SPAG1: variants seen among roughly 807,000 people sequenced by gnomAD.
The protein encoded by SPAG1 is sperm-associated antigen 1.
SPAG1 carries 69 observed loss-of-function variants against 100.5 expected under a neutral mutation model. The observed-to-expected ratio is 0.69, with a 90% CI of 0.57 to 0.84. The LOEUF is 0.84. SPAG1 is among the 40% of genes least tolerant of loss of function. SPAG1 has a pLI of 0.00. For missense variants in SPAG1, 955 were observed against 1,133.1 expected, an observed-to-expected ratio of 0.84 and a Z score of 2.26; for synonymous variants, 336 against 411.6, an observed-to-expected ratio of 0.82 and a Z score of 2.22.
chr8:100,177,730 T>C (rs1217685896), intron 3 of SPAG1, 86 bp from the exon 4 acceptor site: 16 of 758,398 alleles, frequency 2.1e-5, no homozygotes, highest in African/African-American at 3.5e-5. Flanking sequence ...TTCAAACTTA[T>C]ATTGTTCAAG....
intron 14 of SPAG1, 56 bp downstream of exon 14, chr8:100,225,395 T>A (rs1818464679): frequency 2.6e-6 from 4 of 1,517,968 alleles, no homozygotes; most frequent in Non-Finnish European, 9.1e-7. Context: ...GTGTGTGTAC[T>A]TTCACAGTAA....
chr8:100,186,896 T>C (rs1219083652), intron 7 of SPAG1, among the ~76,000 whole-genome samples: 1 of 152,172 alleles, frequency 6.6e-6, no homozygotes, highest in Non-Finnish European at 1.5e-5. Context: ...GGGCCCCCTC[T>C]CATGACTTCA....
chr8:100,201,728 TGGGTCAGAAGACCCTCCCCAGAGA>T (rs1272454657), intron 10 of SPAG1, among the ~76,000 whole-genome samples: 1 of 152,074 alleles, frequency 6.6e-6, no homozygotes, highest in Non-Finnish European at 1.5e-5. Context: ...TTTCTGATTG[TGGGTCAGAAGACCCTCCCCAGAGA>T]GGGTCCTGCC....
intron 10 of SPAG1, among the ~76,000 whole-genome samples, chr8:100,211,080 C>T (rs113853941): frequency 0.059 from 8,992 of 152,112 alleles, 843 homozygotes; most frequent in African/African-American, 0.2. Flanking sequence ...CCTGCCTCAG[C>T]TTCCTAAAGT....
intron 3 of SPAG1, among the ~76,000 whole-genome samples, chr8:100,174,716 CTA>C (rs1256889281): frequency 6.6e-6 from 1 of 152,210 alleles, no homozygotes. Flanking sequence ...ATTGCTTCTT[CTA>C]TGTCTTCTCA....
intron 13 of SPAG1, among the ~76,000 whole-genome samples, chr8:100,221,307 G>A (rs1818268138): frequency 6.6e-6 from 1 of 152,048 alleles, no homozygotes; most frequent in Non-Finnish European, 1.5e-5. Flanking sequence ...CACTTATCTA[G>A]GATGAATAGT....
intron 11 of SPAG1, 96 bp downstream of exon 11, chr8:100,213,524 A>G (rs2132354920): frequency 1.0e-6 from 1 of 978,816 alleles, no homozygotes; most frequent in Non-Finnish European, 1.3e-6. Context: ...CGCCTCCTGA[A>G]TGACAGGCGC....
chr8:100,192,579 T>G (rs956454591), intron 9 of SPAG1, among the ~76,000 whole-genome samples: 1 of 152,184 alleles, frequency 6.6e-6, no homozygotes, highest in African/African-American at 2.4e-5. Flanking sequence ...ATGGAAAAAT[T>G]GTTACTAAGT....
intron 3 of SPAG1, among the ~76,000 whole-genome samples, chr8:100,169,837 C>A (rs1249143669): frequency 6.6e-6 from 1 of 151,790 alleles, no homozygotes; most frequent in African/African-American, 2.4e-5. Context: ...ATTTTGTACT[C>A]CTTGAGGAGC....
At chr8:100,178,780 T>C (rs1816238267) in intron 4 of SPAG1, among the ~76,000 whole-genome samples, 1 of 152,204 alleles carries the variant, frequency 6.6e-6, no homozygotes, top group South Asian at 2.1e-4. Flanking sequence ...GATGCCACTA[T>C]CTGCAATCAG....
intron 14 of SPAG1, among the ~76,000 whole-genome samples, chr8:100,230,695 C>T (rs920884038): frequency 1.3e-3 from 204 of 152,290 alleles, no homozygotes; most frequent in Non-Finnish European, 3.1e-4. Context: ...ATGATCTTGG[C>T]TCACCACAAC....
rs558376446 is a variant in SPAG1 at position 100,240,857 on chromosome 8, G to T, written c.2650-34G>T. ...AATGTTACTTATGCTAACATAGTTG[G>T]TTTTTTGTTTTTTTTTTTTTTTGCT... On this transcript the variant is annotated intron_variant, in intron 18 of 18. Coordinates refer to ENST00000388798, the MANE Select transcript of SPAG1 (RefSeq NM_003114.5). 7.9e-5 allele frequency: 119 copies of T among 1,508,422 alleles called. No individual in the cohort carries two copies. The South Asian group carries it at 1.1e-3, about 14-fold the overall frequency. 93.4% of individuals were successfully genotyped at this position (1,508,422 alleles called of 1,614,324 possible). A position where few individuals can be genotyped will look rare whatever the true frequency, so the allele number is the denominator to read the frequency against.
intron 7 of SPAG1, chr8:100,185,094 G>T: frequency 4.9e-6 from 1 of 202,374 alleles, no homozygotes; most frequent in Non-Finnish European, 9.8e-6. Flanking sequence ...CTACCACAGG[G>T]CCTTTGCACA....
At chr8:100,179,916 T>C (rs1448261021) in intron 4 of SPAG1, among the ~76,000 whole-genome samples, 1 of 152,218 alleles carries the variant, frequency 6.6e-6, no homozygotes, top group Non-Finnish European at 1.5e-5. Context: ...AAACTGTCAT[T>C]ATTCAGACTT....
chr8:100,192,711 T>G (rs902570489), intron 9 of SPAG1, among the ~76,000 whole-genome samples: 2 of 152,196 alleles, frequency 1.3e-5, no homozygotes, highest in African/African-American at 2.4e-5. Flanking sequence ...TGGCTTAGTA[T>G]TTCCTTTTTG....
intron 10 of SPAG1, among the ~76,000 whole-genome samples, chr8:100,206,781 T>C (rs369226888): frequency 6.6e-6 from 1 of 152,334 alleles, no homozygotes; most frequent in East Asian, 1.9e-4. Context: ...CAACACATTC[T>C]TCATTTGGGT....
At chr8:100,196,335 A>G (rs920483157) in intron 10 of SPAG1, among the ~76,000 whole-genome samples, 3 of 152,226 alleles carry the variant, frequency 2.0e-5, no homozygotes, top group Non-Finnish European at 4.4e-5. Context: ...TTGCATTGCC[A>G]TTAGTAACAT....
upstream of SPAG1, chr8:100,158,060 A>G (rs1006522005): frequency 6.6e-6 from 1 of 152,300 alleles, no homozygotes; most frequent in South Asian, 2.1e-4. Flanking sequence ...CAGCACCTGC[A>G]GTGCAGCCAG....
rs536938460 is a variant in SPAG1, at chr8:100,226,912, T to C, written c.1855+1573T>C. On this transcript the variant is annotated intron_variant, in intron 14 of 18. Transcript: ENST00000388798. Reference sequence around the variant, plus strand: ...ATATACTGTAACTTTACTGTGTTTTTACTGTAAAGGTACTATACTCTTACT... The same window carrying C: ...ATATACTGTAACTTTACTGTGTTTTCACTGTAAAGGTACTATACTCTTACT... Among the ~76,000 whole-genome samples the C allele has an allele frequency of 1.7e-4, 26 of 152,362 alleles. 1 individual carries two copies. The highest frequency in any genetic ancestry group is 5.5e-4 in the African/African-American group (23 of 41,576).
Sources: allele counts gnomAD v4.1 joint callset (sites outside exome capture counted in the v4.1 genomes callset), GRCh38; gene constraint gnomAD v4.1.1; transcripts MANE v1.5; gene names NCBI Gene and HGNC (gene_info 2026-07-23, HGNC 2026-07-21).